ANKH: variants seen among roughly 807,000 people sequenced by gnomAD.
ANKH encodes ANKH inorganic pyrophosphate transport regulator, also known as mineralization regulator ANKH.
ANKH carries 15 observed loss-of-function variants against 49.0 expected under a neutral mutation model. The ratio of observed to expected loss-of-function variants is 0.31; its 90% confidence interval spans 0.20 to 0.47. The LOEUF (loss-of-function observed/expected upper bound fraction) is 0.47. Among genes scored for constraint, ANKH ranks in the 20% least tolerant of loss-of-function variants. ANKH has a pLI of 1.00. For missense variants in ANKH, 429 were observed against 652.0 expected (o/e 0.66, Z 3.72); for synonymous variants, 273 against 260.0 (o/e 1.05, Z -0.48).
Position 14,711,221 on chromosome 5 carries a change from C to T in ANKH, c.1455G>A (p.Val485=). ...CTTATTCATTCTCCTCTCTCATTTC[C>T]ACGATGTCTGTCACCTCCTCTGTCG... ...MPPTEEVTDI[V]EMREENE is the part of the protein sequence containing the mutation. Residue 485 remains valine, a synonymous_variant, in exon 12 of 12, where the codon GTG becomes GTA. Transcript: ENST00000284268. The T allele has an allele frequency of 6.2e-7, 1 of 1,614,164 alleles. No homozygotes were observed.
chr5:14,755,753 G>T, intron 4 of ANKH, 108 bp downstream of exon 4: 2 of 1,039,594 alleles, frequency 1.9e-6, no homozygotes, highest in Non-Finnish European at 1.5e-6. Context: ...GCAAAACCAG[G>T]TCGAATGCAG....
intron 1 of ANKH, among the ~76,000 whole-genome samples, chr5:14,777,037 T>C (rs1419906492): frequency 6.6e-6 from 1 of 152,198 alleles, no homozygotes; most frequent in Non-Finnish European, 1.5e-5. Context: ...ATCCCAGCAC[T>C]TTAGGAGGCC....
intron 1 of ANKH, among the ~76,000 whole-genome samples, chr5:14,858,792 TAAG>T (rs1735387501): frequency 6.6e-6 from 1 of 150,784 alleles, no homozygotes; most frequent in Non-Finnish European, 1.5e-5. Context: ...AGAAAAGAGA[TAAG>T]AAGATTATGC....
intron 8 of ANKH, among the ~76,000 whole-genome samples, chr5:14,730,711 C>T (rs1216360504): frequency 6.6e-6 from 1 of 152,194 alleles, no homozygotes; most frequent in Admixed American, 6.5e-5. Flanking sequence ...AGCGTACTTG[C>T]CAGCAAGAAG....
chr5:14,850,271 C>T (rs546011565), intron 1 of ANKH, among the ~76,000 whole-genome samples: 2 of 152,278 alleles, frequency 1.3e-5, no homozygotes, highest in South Asian at 2.1e-4. Flanking sequence ...TGCACATTCA[C>T]GCATTGTGGT....
At chr5:14,723,552 C>T (rs1737734932) in intron 8 of ANKH, among the ~76,000 whole-genome samples, 1 of 152,050 alleles carries the variant, frequency 6.6e-6, no homozygotes, top group African/African-American at 2.4e-5. Flanking sequence ...GGCGGGAGGA[C>T]TGCTTGAGCC....
At chr5:14,784,488 C>T (rs1015141624) in intron 1 of ANKH, among the ~76,000 whole-genome samples, 2 of 152,198 alleles carry the variant, frequency 1.3e-5, no homozygotes, top group Admixed American at 6.5e-5. Flanking sequence ...CACAGAAATG[C>T]TTTATTACCT....
intron 4 of ANKH, 29 bp downstream of exon 4, chr5:14,755,832 G>A (rs748492082): frequency 1.3e-6 from 2 of 1,598,780 alleles, no homozygotes; most frequent in East Asian, 2.2e-5. Context: ...ACTCTGAGGA[G>A]CTCTGATTGA....
chr5:14,777,907 C>A (rs1739680297), intron 1 of ANKH, among the ~76,000 whole-genome samples: 2 of 152,190 alleles, frequency 1.3e-5, no homozygotes, highest in African/African-American at 4.8e-5. Context: ...TAGTCTGATT[C>A]CTCTGGGCCT....
chr5:14,715,031 A>G (rs10491477), intron 9 of ANKH, among the ~76,000 whole-genome samples: 6,596 of 152,272 alleles, frequency 0.043, 188 homozygotes, highest in Middle Eastern at 0.12. Context: ...TCTTCCAGCC[A>G]TTTCTCCATT....
At chr5:14,776,267 T>C (rs908437745) in intron 1 of ANKH, among the ~76,000 whole-genome samples, 18 of 152,200 alleles carry the variant, frequency 1.2e-4, no homozygotes, top group African/African-American at 4.1e-4. Flanking sequence ...AAGAGCGCCA[T>C]TGGCAGCCTC....
chr5:14,764,958 G>A (rs984654335), intron 2 of ANKH, among the ~76,000 whole-genome samples: 1 of 152,196 alleles, frequency 6.6e-6, no homozygotes, highest in Non-Finnish European at 1.5e-5. Flanking sequence ...CAGCGGTTTC[G>A]ACATCTTCGT....
intron 8 of ANKH, among the ~76,000 whole-genome samples, chr5:14,719,557 G>A (rs913201187): frequency 6.6e-6 from 1 of 152,212 alleles, no homozygotes; most frequent in African/African-American, 2.4e-5. Context: ...CTTGAAAAGC[G>A]ATTTACACCA....
intron 1 of ANKH, among the ~76,000 whole-genome samples, chr5:14,778,396 C>T (rs1056321635): frequency 7.9e-5 from 12 of 152,248 alleles, no homozygotes; most frequent in Middle Eastern, 6.8e-3. Context: ...CTCAACTCTG[C>T]AGGGAAGGCA....
intron 1 of ANKH, among the ~76,000 whole-genome samples, chr5:14,790,218 T>C (rs1561056371): frequency 1.3e-5 from 2 of 152,212 alleles, no homozygotes; most frequent in Non-Finnish European, 1.5e-5. Context: ...CTTACTTCCA[T>C]ATGAAGATAA....
chr5:14,712,288 T>C (rs984223567), intron 11 of ANKH, among the ~76,000 whole-genome samples: 7 of 152,258 alleles, frequency 4.6e-5, no homozygotes, highest in Admixed American at 4.6e-4. Flanking sequence ...TCTGCTACTC[T>C]CTTGACCAAC....
At chr5:14,823,181 G>A (rs962182109) in intron 1 of ANKH, among the ~76,000 whole-genome samples, 1 of 152,152 alleles carries the variant, frequency 6.6e-6, no homozygotes, top group Non-Finnish European at 1.5e-5. Flanking sequence ...TGGGAAAAGT[G>A]TGAACTTCAG....
At chr5:14,741,086 G>A (rs939356960) in intron 8 of ANKH, among the ~76,000 whole-genome samples, 8 of 152,160 alleles carry the variant, frequency 5.3e-5, no homozygotes, top group Middle Eastern at 3.4e-3. Context: ...GTTTATAAAC[G>A]GTAAGTTTTT....
rs1739408196 is a variant in ANKH at position 14,770,853 on chromosome 5, C to G, written c.97-1662G>C. Among the ~76,000 whole-genome samples the G allele has an allele frequency of 6.6e-6, 1 of 152,158 alleles. No homozygotes were observed. The highest frequency in any genetic ancestry group is 1.5e-5 in the Non-Finnish European group (1 of 68,026). ...CTGACAAATGCAGAATGACATATAT[C>G]CACAACATATTTTTAAGAAAAAAGA... On this transcript the variant is annotated intron_variant, in intron 1 of 11. Coordinates refer to ENST00000284268, the MANE Select transcript of ANKH (RefSeq NM_054027.6). The surrounding 1 kb of genome is among the most constrained non-coding windows in gnomAD (Gnocchi z 4.1).
Sources: allele counts gnomAD v4.1 joint callset (sites outside exome capture counted in the v4.1 genomes callset), GRCh38; gene constraint gnomAD v4.1.1; non-coding constraint Gnocchi (gnomAD v3.1); transcripts MANE v1.5; gene names NCBI Gene and HGNC (gene_info 2026-07-23, HGNC 2026-07-21).